Variants in DDX31 observed in about 807,000 individuals in gnomAD.
DDX31 encodes the protein ATP-dependent DNA helicase DDX31.
In DDX31, 70 loss-of-function variants were observed where a neutral mutation model predicts 91.3. The observed-to-expected ratio is 0.77, with a 90% confidence interval of 0.63 to 0.94. The LOEUF is 0.94. Among genes scored for constraint, DDX31 ranks in the 40% least tolerant of loss-of-function variants. The pLI, the probability that DDX31 is intolerant of heterozygous loss-of-function variation, is 0.00. For missense variants in DDX31, 902 were observed against 925.0 expected (o/e 0.98, Z 0.32); for synonymous variants, 362 against 350.6 (o/e 1.03, Z -0.36).
rs1042811650 is a variant in DDX31, at chr9:132,614,519, G to A, written c.1826-2264C>T. On this transcript the variant is annotated intron_variant, in intron 18 of 19. Transcript: ENST00000372159. The stretch of plus-strand genomic sequence containing the variant: ...CTCTGGTCTCAAAAAAGACAAGACC[G>A]AAACCAAGTCAAGCCGAAACCATGC... Among the ~76,000 whole-genome samples, 8 of 152,012 alleles carry A rather than the reference G, an allele frequency of 5.3e-5. 1 individual carries two copies. The highest frequency in any genetic ancestry group is 1.4e-4 in the African/African-American group (6 of 41,380).
At chr9:132,664,773 C>T (rs1039005564) in intron 1 of DDX31, among the ~76,000 whole-genome samples, 1 of 150,628 alleles carries the variant, frequency 6.6e-6, no homozygotes, top group Non-Finnish European at 1.5e-5. Context: ...TAGAATCTGA[C>T]CTCTGGCCAC....
At chr9:132,635,410 C>T (rs1833043508) in intron 14 of DDX31, among the ~76,000 whole-genome samples, 3 of 151,826 alleles carry the variant, frequency 2.0e-5, no homozygotes, top group Admixed American at 1.3e-4. Context: ...AACAGCCCAC[C>T]CCCAACCTAC....
intron 6 of DDX31, among the ~76,000 whole-genome samples, chr9:132,653,612 C>T (rs1158565672): frequency 1.6e-5 from 2 of 121,954 alleles, no homozygotes; most frequent in Admixed American, 8.2e-5. Flanking sequence ...AAAAAATATA[C>T]AAAATCTATA....
chr9:132,634,128 A>G (rs371905494), intron 14 of DDX31, among the ~76,000 whole-genome samples: 1 of 152,202 alleles, frequency 6.6e-6, no homozygotes, highest in South Asian at 2.1e-4. Context: ...AAAACCACCA[A>G]CTGTGGTTAT....
At position 132,634,221 on chromosome 9, in the gene DDX31, A is replaced by G. The variant is rs144093656; in HGVS notation, c.1441-2130T>C. ...AATGAATTCTTATCATTTCCCCTACAATTTTTATTTAGAAAAATTTAAACC... is the reference window on the plus strand; with the variant it reads ...AATGAATTCTTATCATTTCCCCTACGATTTTTATTTAGAAAAATTTAAACC... On this transcript the variant is annotated intron_variant, in intron 14 of 19. Transcript: ENST00000372159. 5.2e-4 allele frequency among the ~76,000 whole-genome samples: 79 copies of G among 152,280 alleles called. 1 individual carries two copies. In the East Asian group the frequency reaches 0.014, roughly 28 times the overall value.
At chr9:132,601,051 T>A (rs948210061) in intron 19 of DDX31, among the ~76,000 whole-genome samples, 2 of 152,186 alleles carry the variant, frequency 1.3e-5, no homozygotes, top group African/African-American at 4.8e-5. Flanking sequence ...GGAACTGTTA[T>A]GATTACACAC....
chr9:132,639,493 G>A (rs1016998937), intron 14 of DDX31, among the ~76,000 whole-genome samples: 6 of 152,222 alleles, frequency 3.9e-5, no homozygotes, highest in South Asian at 2.1e-4. Context: ...CTGGCAGGGC[G>A]CAGAGGGCTG....
chr9:132,669,617 C>A (rs1438840792), intron 1 of DDX31: 7 of 1,525,554 alleles, frequency 4.6e-6, no homozygotes, highest in Non-Finnish European at 5.3e-6. Flanking sequence ...TTTCTAGGCG[C>A]AGGAGCCAGC....
intron 1 of DDX31, among the ~76,000 whole-genome samples, chr9:132,664,073 T>C (rs964605414): frequency 1.3e-5 from 2 of 152,120 alleles, no homozygotes; most frequent in African/African-American, 4.8e-5. Flanking sequence ...ACCTCCTGCA[T>C]CCCATGAGGC....
At chr9:132,611,416 A>G (rs527321658) in intron 19 of DDX31, among the ~76,000 whole-genome samples, 63 of 152,242 alleles carry the variant, frequency 4.1e-4, no homozygotes, top group Non-Finnish European at 3.7e-4. Context: ...GTCTTTGAGG[A>G]GAGGAAGAAG....
At chr9:132,655,306 A>C (rs1413016744) in intron 6 of DDX31, among the ~76,000 whole-genome samples, 1 of 152,210 alleles carries the variant, frequency 6.6e-6, no homozygotes, top group African/African-American at 2.4e-5. Flanking sequence ...AGTCATCAAA[A>C]AGAACAAGGT....
Position 132,612,191 on chromosome 9 carries a change from G to A in DDX31, c.1890C>T (p.Val630=). 1 of 1,614,220 alleles carries A rather than the reference G, an allele frequency of 6.2e-7. No individual in the cohort carries two copies. The highest frequency in any genetic ancestry group is 8.5e-7 in the Non-Finnish European group (1 of 1,180,048). The change falls in exon 19 of 20, where the codon GTC becomes GTT. Residue 630 remains valine, a synonymous_variant. Coordinates refer to ENST00000372159, the MANE Select transcript of DDX31 (RefSeq NM_022779.9). ...YPRELKHIFH[V]RSLHLGHVAK... ...CCACATGCCCAAGGTGGAGGGATCG[G>A]ACGTGGAAGATGTGCTTCAGCTCCC...
At chr9:132,649,228 C>T (rs999657522) in intron 9 of DDX31, among the ~76,000 whole-genome samples, 10 of 152,280 alleles carry the variant, frequency 6.6e-5, no homozygotes, top group African/African-American at 2.2e-4. Flanking sequence ...AGGCATGAGC[C>T]ACTGCACCCA....
At chr9:132,631,898 T>C in intron 15 of DDX31, 143 bp downstream of exon 15, 2 of 670,624 alleles carry the variant, frequency 3.0e-6, no homozygotes, top group Non-Finnish European at 4.9e-6. Context: ...TCAGGGGAAT[T>C]GAACAGATAA....
chr9:132,619,936 C>A (rs76450890), intron 17 of DDX31, among the ~76,000 whole-genome samples: 3 of 151,428 alleles, frequency 2.0e-5, no homozygotes, highest in East Asian at 3.9e-4. Context: ...TTTCCCCTGG[C>A]GGACAGAATC....
chr9:132,651,187 G>A, intron 7 of DDX31, 71 bp from the exon 8 acceptor site: 2 of 1,319,642 alleles, frequency 1.5e-6, no homozygotes, highest in South Asian at 1.3e-5. Context: ...ACAATTTAAT[G>A]TGATTAGGAT....
chr9:132,618,911 C>T (rs1003413748), intron 17 of DDX31, among the ~76,000 whole-genome samples: 11 of 152,176 alleles, frequency 7.2e-5, no homozygotes, highest in Non-Finnish European at 1.3e-4. Flanking sequence ...TTAAAAGTTA[C>T]CCCATCCTTG....
intron 7 of DDX31, 93 bp from the exon 8 acceptor site, chr9:132,651,209 C>G: frequency 1.8e-6 from 2 of 1,082,168 alleles, no homozygotes; most frequent in Non-Finnish European, 2.7e-6. Context: ...CAAACTTGGA[C>G]CTCAAGTTAA....
intron 4 of DDX31, among the ~76,000 whole-genome samples, chr9:132,660,516 T>A (rs943748709): frequency 6.6e-6 from 1 of 152,188 alleles, no homozygotes; most frequent in Non-Finnish European, 1.5e-5. Context: ...CAGCAGCAGC[T>A]GTCCATTCTC....
Sources: allele counts gnomAD v4.1 joint callset (sites outside exome capture counted in the v4.1 genomes callset), GRCh38; gene constraint gnomAD v4.1.1; transcripts MANE v1.5; gene names NCBI Gene and HGNC (gene_info 2026-07-23, HGNC 2026-07-21).